LUC7L3: variants seen among roughly 807,000 people sequenced by gnomAD.
LUC7L3 encodes the protein LUC7 like 3 pre-mRNA splicing factor.
Under a neutral mutation model 66.8 loss-of-function variants are expected in LUC7L3, and 6 were observed. The ratio of observed to expected loss-of-function variants is 0.09; its 90% CI spans 0.05 to 0.18. The LOEUF (loss-of-function observed/expected upper bound fraction) is 0.18. LUC7L3 is among the 10% of genes least tolerant of loss of function. LUC7L3 has a pLI of 1.00. For synonymous variants in LUC7L3, 160 were observed against 174.7 expected (o/e 0.92, Z 0.66); for missense variants, 341 against 531.1 (o/e 0.64, Z 3.52).
At chr17:50,746,203 G>A (rs371107282) in intron 8 of LUC7L3, among the ~76,000 whole-genome samples, 200 bp downstream of exon 8, 20 of 152,252 alleles carry the variant, frequency 1.3e-4, no homozygotes, top group African/African-American at 4.6e-4. Context: ...CACCTGTCTA[G>A]GAAATTTCAC....
chr17:50,722,603 A>G (rs1968861828), intron 1 of LUC7L3: 1 of 152,124 alleles, frequency 6.6e-6, no homozygotes, highest in East Asian at 1.9e-4. Context: ...CTTAATTGGT[A>G]TTAATTTGGT....
At chr17:50,738,180 C>T in intron 2 of LUC7L3, 1 of 455,796 alleles carries the variant, frequency 2.2e-6, no homozygotes, top group Non-Finnish European at 4.4e-6. Context: ...TGAACAGTTC[C>T]TGAGAAGTGA....
Position 50,748,888 on chromosome 17 carries a change from TAA to T in LUC7L3, c.1139-1603_1139-1602del, listed in dbSNP as rs34366486. Among the ~76,000 whole-genome samples the T allele has an allele frequency of 7.3e-5, 11 of 150,140 alleles. 1 individual carries two copies. The highest frequency in any genetic ancestry group is 3.3e-4 in the Admixed American group (5 of 15,070). On this transcript the variant is annotated intron_variant, in intron 9 of 9. Coordinates refer to ENST00000505658, the MANE Select transcript of LUC7L3 (RefSeq NM_016424.5). ...TGCAGATGAGTGAATTTAAAAAATG[TAA>T]AAAAAAAAATACAGAAAAGAAACTA...
At chr17:50,721,111 A>G (rs1340446138) in intron 1 of LUC7L3, among the ~76,000 whole-genome samples, 1 of 151,174 alleles carries the variant, frequency 6.6e-6, no homozygotes, top group Non-Finnish European at 1.5e-5. Context: ...TTTTTTAACT[A>G]CCTGACTCTG....
intron 9 of LUC7L3, chr17:50,749,086 A>C (rs1369167021): frequency 1.2e-5 from 5 of 433,380 alleles, no homozygotes; most frequent in Non-Finnish European, 1.9e-5. Context: ...GTGGTTTCTC[A>C]CACAAAGCTG....
At chr17:50,734,719 T>TA (rs1969863655) in intron 1 of LUC7L3, among the ~76,000 whole-genome samples, 1 of 152,300 alleles carries the variant, frequency 6.6e-6, no homozygotes, top group Non-Finnish European at 1.5e-5. Context: ...TACTAAGACA[T>TA]AAAGCTGTAT....
chr17:50,738,490 A>G (rs1970136613), intron 2 of LUC7L3, among the ~76,000 whole-genome samples: 1 of 152,248 alleles, frequency 6.6e-6, no homozygotes, highest in South Asian at 2.1e-4. Context: ...GAAATTTAGT[A>G]TCTTCAGAGA....
chr17:50,745,557 AAAT>A lies in LUC7L3; in HGVS notation c.694-159_694-157del, dbSNP rs1215182077. ...GGAAGAATATTCCTGAGGATTAGAC[AAAT>A]AATGATACCTTGTGTATATACATGG... On this transcript the variant is annotated intron_variant, in intron 7 of 9. Coordinates refer to ENST00000505658, the MANE Select transcript of LUC7L3 (RefSeq NM_016424.5). 2.0e-4 allele frequency among the ~76,000 whole-genome samples: 30 copies of A among 152,242 alleles called. 1 individual carries two copies. Among genetic ancestry groups the A allele is most frequent in the Admixed American group, 2.0e-3 (30 of 15,286 alleles).
At chr17:50,733,890 C>A (rs1969807301) in intron 1 of LUC7L3, among the ~76,000 whole-genome samples, 1 of 152,158 alleles carries the variant, frequency 6.6e-6, no homozygotes, top group African/African-American at 2.4e-5. Flanking sequence ...GTAAAAGTGG[C>A]ATAATTGTTG....
intron 1 of LUC7L3, among the ~76,000 whole-genome samples, chr17:50,725,468 A>G (rs1354358162): frequency 6.6e-6 from 1 of 152,146 alleles, no homozygotes; most frequent in Non-Finnish European, 1.5e-5. Context: ...GTACAGATAC[A>G]GCACTTGGTC....
chr17:50,748,737 A>G (rs1970831471), intron 9 of LUC7L3, among the ~76,000 whole-genome samples: 1 of 152,190 alleles, frequency 6.6e-6, no homozygotes. Context: ...AGAAAACTGT[A>G]TCAGGCTTGT....
At chr17:50,747,826 CT>C (rs1265931073) in intron 9 of LUC7L3, among the ~76,000 whole-genome samples, 1 of 152,184 alleles carries the variant, frequency 6.6e-6, no homozygotes, top group South Asian at 2.1e-4. Flanking sequence ...GTGTTGAAAA[CT>C]TTTGTCTTCC....
chr17:50,741,374 G>A (rs1212465390), intron 4 of LUC7L3, 128 bp downstream of exon 4: 1 of 958,860 alleles, frequency 1.0e-6, no homozygotes, highest in Admixed American at 3.2e-5. Flanking sequence ...AAACTTATAG[G>A]GCATTCATTT....
chr17:50,750,944 C>T lies in LUC7L3; in HGVS notation c.*283C>T, dbSNP rs932412562. On this transcript the variant is annotated 3_prime_UTR_variant, in exon 10 of 10. Coordinates refer to ENST00000505658, the MANE Select transcript of LUC7L3 (RefSeq NM_016424.5). ...TTATCGCCCACATTTGTAATATAGT[C>T]GCCATTGAAAAGTTAATTATCCTTT... is the stretch of plus-strand genomic sequence containing the variant. 6 of 1,514,686 alleles carry T rather than the reference C, an allele frequency of 4.0e-6. No homozygotes were observed. In the African/African-American group the frequency reaches 5.6e-5, roughly 14 times the overall value. 93.8% of individuals were successfully genotyped at this position (1,514,686 alleles called of 1,614,324 possible).
At chr17:50,744,183 C>A (rs1970522507) in intron 6 of LUC7L3, among the ~76,000 whole-genome samples, 1 of 152,132 alleles carries the variant, frequency 6.6e-6, no homozygotes, top group Non-Finnish European at 1.5e-5. Context: ...ATATCTAATT[C>A]TTTTAATTGG....
rs1471947448 is a variant in LUC7L3 at position 50,741,014 on chromosome 17, T to C, written c.207-88T>C. The C allele has an allele frequency of 7.1e-6, 9 of 1,271,514 alleles. No individual in the cohort carries two copies. In the Admixed American group the frequency reaches 1.4e-4, roughly 20 times the overall value. The allele number at this position is 1,271,514 out of a possible 1,614,324, so 78.8% of individuals were successfully genotyped here. A position where few individuals can be genotyped will look rare whatever the true frequency, so the allele number is the denominator to read the frequency against. On this transcript the variant is annotated intron_variant, in intron 3 of 9. Coordinates refer to ENST00000505658, the MANE Select transcript of LUC7L3 (RefSeq NM_016424.5). ...GGTTTACCCTGCAGCCTAAATGGAA[T>C]AGTCGTTGAGGCTAGTTAAGATAGA...
At position 50,755,733 on chromosome 17, in the gene LUC7L3, C is replaced by T. The variant is rs926054661; in HGVS notation, c.*5072C>T. 2.2e-4 allele frequency: 33 copies of T among 152,150 alleles called. No individual in the cohort carries two copies. The highest frequency in any genetic ancestry group is 1.5e-3 in the Admixed American group (23 of 15,274). 9.4% of individuals were successfully genotyped at this position (152,150 alleles called of 1,614,324 possible). On this transcript the variant is annotated 3_prime_UTR_variant, in exon 10 of 10. Transcript: ENST00000505658. ...CCCGGATACATACCCTAGAGAAACT[C>T]TTACACATGCGTACCAGGGGATGGA...
intron 2 of LUC7L3, among the ~76,000 whole-genome samples, chr17:50,739,441 G>A (rs999583875): frequency 6.6e-6 from 1 of 152,144 alleles, no homozygotes; most frequent in African/African-American, 2.4e-5. Context: ...CACTCGAGGT[G>A]AGGAGTTCAA....
At position 50,750,620 on chromosome 17, in the gene LUC7L3, A is replaced by G. The variant is rs372185559; in HGVS notation, c.1258A>G (p.Ser420Gly). The change falls in exon 10 of 10, where the codon AGT becomes GGT. Residue 420 changes from serine to glycine, a missense_variant. Around this residue, in one of 6 missense-constraint regions of LUC7L3, gnomAD observed 210 missense variants for 238.1 expected, o/e 0.88. Coordinates refer to ENST00000505658, the MANE Select transcript of LUC7L3 (RefSeq NM_016424.5). The stretch of plus-strand genomic sequence containing the variant: ...TACTAAGAATGAGGTCAATGGGACC[A>G]GTGAAGACATTAAATCTGAAGGTGA... ...SDTKNEVNGT[S>G]EDIKSEGDTQ... 11 of 1,614,022 alleles carry G rather than the reference A, an allele frequency of 6.8e-6. No individual in the cohort carries two copies. Among genetic ancestry groups the G allele is most frequent in the Non-Finnish European group, 8.5e-6 (10 of 1,180,012 alleles).
Sources: gnomAD v4.1 joint callset for allele counts (sites outside exome capture counted in the v4.1 genomes callset) on GRCh38, gnomAD v4.1.1 for gene constraint, gnomAD v4.1.1 regional missense constraint, MANE v1.5 for transcripts, NCBI Gene and HGNC (gene_info 2026-07-23, HGNC 2026-07-21) for gene names.